REELD1: variants seen among roughly 807,000 people sequenced by gnomAD.
The protein encoded by REELD1 is reeler domain containing 1.
Under a neutral mutation model 6.3 loss-of-function variants are expected in REELD1, and 12 were observed. The ratio of observed to expected loss-of-function variants is 1.89; its 90% CI spans 1.21 to 3.07. The LOEUF (loss-of-function observed/expected upper bound fraction) is 3.07, where lower values mean the gene tolerates loss of function less well. Ranked by LOEUF, REELD1 falls within the 30% of genes most tolerant of loss-of-function variation. REELD1 has a pLI of 0.00. For missense variants in REELD1, 163 were observed against 86.8 expected, an observed-to-expected ratio of 1.88 and a Z score of -3.49; for synonymous variants, 57 against 33.6, an observed-to-expected ratio of 1.70 and a Z score of -2.42.
intron 5 of REELD1, among the ~76,000 whole-genome samples, chr4:146,225,801 C>G (rs1298786710): frequency 2.6e-5 from 4 of 151,296 alleles, no homozygotes; most frequent in African/African-American, 9.7e-5. Flanking sequence ...CGCTGGAAAC[C>G]TTGTCCGCTG....
Position 146,228,299 on chromosome 4 carries a change from C to A in REELD1, c.685C>A (p.Pro229Thr), listed in dbSNP as rs1560726940. ...PGAAEEDNLD[P>T]VPASIWVTKF... ...AGCTGCAGAGGAGGACAACCTAGATCCTGTTCCTGCCAGTATTTGGGTGAC... is the reference window on the plus strand; with the variant it reads ...AGCTGCAGAGGAGGACAACCTAGATACTGTTCCTGCCAGTATTTGGGTGAC... Residue 229 changes from proline to threonine, a missense_variant, in exon 6 of 8, where the codon CCT (proline) becomes ACT (threonine). Transcript: ENST00000623665. The A allele has an allele frequency of 1.4e-6, 1 of 702,584 alleles. No homozygotes were observed. The highest frequency in any genetic ancestry group is 2.7e-5 in the East Asian group (1 of 37,286). The allele number at this position is 702,584 out of a possible 1,614,324, so 43.5% of individuals were successfully genotyped here.
intron 5 of REELD1, among the ~76,000 whole-genome samples, chr4:146,225,059 A>G (rs1280014850): frequency 2.6e-5 from 4 of 152,226 alleles, no homozygotes; most frequent in African/African-American, 4.8e-5. Context: ...TTTTCATAGT[A>G]GGTAGGTGGC....
At position 146,232,051 on chromosome 4, in the gene REELD1, C is replaced by T. The variant is rs989563854; in HGVS notation, c.*1538C>T. ...TCTGTATGTCTAGCCCTCTAAAAGA[C>T]GTTCTCCCCAAGAAGCAAACAAGGG... is the stretch of plus-strand genomic sequence containing the variant. On this transcript the variant is annotated 3_prime_UTR_variant, in exon 8 of 8. Transcript: ENST00000623665. 11 of 152,234 alleles carry T rather than the reference C, an allele frequency of 7.2e-5. No homozygotes were observed. Among genetic ancestry groups the T allele is most frequent in the African/African-American group, 1.9e-4 (8 of 41,464 alleles). The allele number at this position is 152,234 out of a possible 1,614,324, so 9.4% of individuals were successfully genotyped here. A position where few individuals can be genotyped will look rare whatever the true frequency, so the allele number is the denominator to read the frequency against.
intron 5 of REELD1, among the ~76,000 whole-genome samples, chr4:146,225,462 C>T (rs1731004690): frequency 6.6e-6 from 1 of 152,100 alleles, no homozygotes; most frequent in African/African-American, 2.4e-5. Flanking sequence ...CTAGCAGACC[C>T]AGGTACAGAG....
At position 146,228,535 on chromosome 4, in the gene REELD1, G is replaced by A; in HGVS notation, c.908+13G>A. The stretch of plus-strand genomic sequence containing the variant: ...GCACCCATCACAGGTAAGGGTGATG[G>A]GTGGGCCATTCAGGACAGGTGATGG... On this transcript the variant is annotated intron_variant, in intron 6 of 7. Coordinates refer to ENST00000623665, the MANE Select transcript of REELD1 (RefSeq NM_001354631.1). 1.4e-6 allele frequency: 1 copy of A among 697,682 alleles called. No homozygotes were observed. The highest frequency in any genetic ancestry group is 1.5e-5 in the South Asian group (1 of 67,014). 43.2% of individuals were successfully genotyped at this position (697,682 alleles called of 1,614,324 possible). A position where few individuals can be genotyped will look rare whatever the true frequency, so the allele number is the denominator to read the frequency against.
chr4:146,229,917 G>A lies in REELD1; in HGVS notation c.985G>A (p.Ala329Thr), dbSNP rs1343680225. Residue 329 changes from alanine (A) to threonine (T), a missense_variant, in exon 8 of 8, where the codon GCC becomes ACC. Transcript: ENST00000623665. ...SDGGEQDKTK[A>T]SNRTVTQPPL... is the part of the protein sequence containing the mutation. ...TTTGTTTTTCTAGGACAAGACGAAGGCCTCTAACAGGACCGTGACACAGCC... is the reference window on the plus strand; with the variant it reads ...TTTGTTTTTCTAGGACAAGACGAAGACCTCTAACAGGACCGTGACACAGCC... 2.5e-6 allele frequency: 1 copy of A among 398,478 alleles called. No individual in the cohort carries two copies. The highest frequency in any genetic ancestry group is 4.4e-6 in the Non-Finnish European group (1 of 226,104). The allele number at this position is 398,478 out of a possible 1,614,324, so 24.7% of individuals were successfully genotyped here. A position where few individuals can be genotyped will look rare whatever the true frequency, so the allele number is the denominator to read the frequency against.
intron 3 of REELD1, among the ~76,000 whole-genome samples, chr4:146,220,736 C>T (rs1730909839): frequency 6.6e-6 from 1 of 152,168 alleles, no homozygotes; most frequent in Admixed American, 6.5e-5. Flanking sequence ...GCCTCATTGG[C>T]CAGAATTCTA....
chr4:146,219,427 A>T (rs1174883670), intron 3 of REELD1, among the ~76,000 whole-genome samples: 1 of 152,274 alleles, frequency 6.6e-6, no homozygotes, highest in Non-Finnish European at 1.5e-5. Context: ...GGACCATGTT[A>T]TCCTGCTCAT....
chr4:146,220,251 GA>G (rs1404617842), intron 3 of REELD1, among the ~76,000 whole-genome samples: 1 of 152,200 alleles, frequency 6.6e-6, no homozygotes, highest in African/African-American at 2.4e-5. Flanking sequence ...CCCAGCCACA[GA>G]GCTTGTTTTT....
chr4:146,229,377 A>C (rs1026615744), intron 7 of REELD1, among the ~76,000 whole-genome samples: 1 of 152,192 alleles, frequency 6.6e-6, no homozygotes, highest in Non-Finnish European at 1.5e-5. Flanking sequence ...CCTTCATAAC[A>C]TTGACCTCAA....
chr4:146,224,478 G>A lies in REELD1; in HGVS notation c.465G>A (p.Trp155Ter). ...LSVVQSYFVY[W>*]ARIESSVVSQ... Reference sequence around the variant, plus strand: ...TAGTCCAGTCATATTTTGTTTACTGGGCAAGGATTGAATCATCTGTTGTGT... The same window carrying A: ...TAGTCCAGTCATATTTTGTTTACTGAGCAAGGATTGAATCATCTGTTGTGT... Residue 155 changes from tryptophan to a stop codon, truncating the protein, a stop_gained, in exon 5 of 8, where the codon TGG becomes TGA. Coordinates refer to ENST00000623665, the MANE Select transcript of REELD1 (RefSeq NM_001354631.1). LOFTEE classifies it high-confidence loss of function. The A allele has an allele frequency of 3.0e-6, 2 of 676,382 alleles. No individual in the cohort carries two copies. Among genetic ancestry groups the A allele is most frequent in the Non-Finnish European group, 5.4e-6 (2 of 368,246 alleles). 41.9% of individuals were successfully genotyped at this position (676,382 alleles called of 1,614,324 possible). A position where few individuals can be genotyped will look rare whatever the true frequency, so the allele number is the denominator to read the frequency against.
At chr4:146,216,269 C>T (rs1730824077) in intron 2 of REELD1, among the ~76,000 whole-genome samples, 1 of 152,100 alleles carries the variant, frequency 6.6e-6, no homozygotes, top group South Asian at 2.1e-4. Context: ...TATTCCTGAG[C>T]CAAAATTGTT....
rs575480869 is a variant in REELD1 at position 146,231,092 on chromosome 4, G to T, written c.*579G>T. On this transcript the variant is annotated 3_prime_UTR_variant, in exon 8 of 8. Coordinates refer to ENST00000623665, the MANE Select transcript of REELD1 (RefSeq NM_001354631.1). Reference sequence around the variant, plus strand: ...GTCTTCTGGGCAACTCAGCAGCCTGGCAAATCCGCCATGGAAATTGATCCA... The same window carrying T: ...GTCTTCTGGGCAACTCAGCAGCCTGTCAAATCCGCCATGGAAATTGATCCA... Among the ~76,000 whole-genome samples, 115 of 152,342 alleles carry T rather than the reference G, an allele frequency of 7.5e-4. 2 individuals carry two copies. Among genetic ancestry groups the T allele is most frequent in the Admixed American group, 3.2e-3 (49 of 15,304 alleles).
chr4:146,224,790 G>A (rs894000534), intron 5 of REELD1, among the ~76,000 whole-genome samples, 182 bp downstream of exon 5: 3 of 152,312 alleles, frequency 2.0e-5, no homozygotes, highest in African/African-American at 7.2e-5. Context: ...GGGAGGGAAC[G>A]CTTGCAGTTG....
chr4:146,231,436 C>A lies in REELD1; in HGVS notation c.*923C>A, dbSNP rs563931909. On this transcript the variant is annotated 3_prime_UTR_variant, in exon 8 of 8. Coordinates refer to ENST00000623665, the MANE Select transcript of REELD1 (RefSeq NM_001354631.1). ...GAAGGTCATCTACCTGATCTCATAA[C>A]CTTATGAAGATTGCTTTGATTTAAC... Among the ~76,000 whole-genome samples, 1 of 152,242 alleles carries A rather than the reference C, an allele frequency of 6.6e-6. No homozygotes were observed. The highest frequency in any genetic ancestry group is 1.9e-4 in the East Asian group (1 of 5,174).
At position 146,231,753 on chromosome 4, in the gene REELD1, G is replaced by A. The variant is rs1300428183; in HGVS notation, c.*1240G>A. 2.6e-5 allele frequency: 4 copies of A among 152,162 alleles called. No homozygotes were observed. The highest frequency in any genetic ancestry group is 5.9e-5 in the Non-Finnish European group (4 of 68,030). The allele number at this position is 152,162 out of a possible 1,614,324, so 9.4% of individuals were successfully genotyped here. A position where few individuals can be genotyped will look rare whatever the true frequency, so the allele number is the denominator to read the frequency against. ...TTCAGTAGCTTTCCAAGGAGAATGA[G>A]GCTTTCCTTATACCTCAATTTAACA... is the stretch of plus-strand genomic sequence containing the variant. On this transcript the variant is annotated 3_prime_UTR_variant, in exon 8 of 8. Coordinates refer to ENST00000623665, the MANE Select transcript of REELD1 (RefSeq NM_001354631.1).
At chr4:146,228,823 A>T (rs1021686523) in intron 6 of REELD1, among the ~76,000 whole-genome samples, 6 of 152,200 alleles carry the variant, frequency 3.9e-5, no homozygotes, top group Non-Finnish European at 8.8e-5. Context: ...TATATAAAAT[A>T]ATAAGCGACA....
At position 146,228,219 on chromosome 4, in the gene REELD1, C is replaced by A. The variant is rs569965133; in HGVS notation, c.605C>A (p.Thr202Asn). The A allele has an allele frequency of 4.3e-6, 3 of 701,734 alleles. No individual in the cohort carries two copies. Among genetic ancestry groups the A allele is most frequent in the East Asian group, 2.7e-5 (1 of 37,296 alleles). 43.5% of individuals were successfully genotyped at this position (701,734 alleles called of 1,614,324 possible). The change falls in exon 6 of 8, where the codon ACC becomes AAC. Residue 202 changes from threonine (T) to asparagine (N), a missense_variant. Physicochemically the swap from Thr to Asn is moderately conservative, Grantham distance 65 (BLOSUM62 0). Transcript: ENST00000623665. Reference sequence around the variant, plus strand: ...TTGGACCTCTGCTTAGCTCCCAGGACCCCCATCACTCTTCCACAGCAGCAC... The same window carrying A: ...TTGGACCTCTGCTTAGCTCCCAGGAACCCCATCACTCTTCCACAGCAGCAC... ...DVEGAAPAPR[T>N]PITLPQQHTH...
chr4:146,221,751 C>T lies in REELD1; in HGVS notation c.209-606C>T, dbSNP rs189251171. Among the ~76,000 whole-genome samples, 37 of 152,056 alleles carry T rather than the reference C, an allele frequency of 2.4e-4. No individual in the cohort carries two copies. In the East Asian group the frequency reaches 7.0e-3, roughly 29 times the overall value. ...GTGCGTGCCTGTACTCCCAGCTACT[C>T]GAGAGGCTGAGGCAGGAGAATCGCC... On this transcript the variant is annotated intron_variant, in intron 3 of 7. Coordinates refer to ENST00000623665, the MANE Select transcript of REELD1 (RefSeq NM_001354631.1).
Sources: allele counts gnomAD v4.1 joint callset (sites outside exome capture counted in the v4.1 genomes callset), GRCh38; gene constraint gnomAD v4.1.1; transcripts MANE v1.5; gene names NCBI Gene and HGNC (gene_info 2026-07-23, HGNC 2026-07-21).